Variants in VPS13B observed in about 807,000 individuals in gnomAD.
The protein encoded by VPS13B is intermembrane lipid transfer protein VPS13B.
A neutral mutation model predicts 426.4 loss-of-function variants in VPS13B; 285 were observed. The ratio of observed to expected loss-of-function variants is 0.67; its 90% confidence interval spans 0.61 to 0.74. VPS13B has a LOEUF of 0.74. Among genes scored for constraint, VPS13B ranks in the 30% least tolerant of loss-of-function variants. The pLI, the probability that VPS13B is intolerant of heterozygous loss-of-function variation, is 0.00. For synonymous variants in VPS13B, 1,676 were observed against 1,676.4 expected, an observed-to-expected ratio of 1.00 and a Z score of 0.01; for missense variants, 4,537 against 4,782.6, an observed-to-expected ratio of 0.95 and a Z score of 1.51.
rs570152646 is a variant in VPS13B, at chr8:99,185,761, C to T, written c.2334-7115C>T. ...AATGGATTGTTTAATTTCTTTGCAT[C>T]GAGTAGTAAGAACCACACTTCCATC... On this transcript the variant is annotated intron_variant, in intron 16 of 61. Transcript: ENST00000357162. 8.4e-4 allele frequency among the ~76,000 whole-genome samples: 128 copies of T among 152,120 alleles called. No homozygotes were observed. In the Middle Eastern group the frequency reaches 0.01, roughly 12 times the overall value.
rs183673211 is a variant in VPS13B, at chr8:99,685,050, C to A, written c.6047-14475C>A. Reference sequence around the variant, plus strand: ...ACTCCTGACTTTGTGATCCACCCGCCTTGGCCTACCAAAGGGCTGGGATTA... The same window carrying A: ...ACTCCTGACTTTGTGATCCACCCGCATTGGCCTACCAAAGGGCTGGGATTA... On this transcript the variant is annotated intron_variant, in intron 35 of 61. Coordinates refer to ENST00000357162, the MANE Select transcript of VPS13B (RefSeq NM_152564.5). Among the ~76,000 whole-genome samples the A allele has an allele frequency of 3.4e-4, 52 of 152,334 alleles. No individual in the cohort carries two copies. In the East Asian group the frequency reaches 9.6e-3, roughly 28 times the overall value.
chr8:99,056,668 A>C (rs961410565), intron 3 of VPS13B, among the ~76,000 whole-genome samples: 1 of 152,112 alleles, frequency 6.6e-6, no homozygotes, highest in African/African-American at 2.4e-5. Context: ...TTTTCATAGA[A>C]GTTTCCTTCT....
At chr8:99,348,486 ATT>A (rs1811669094) in intron 19 of VPS13B, among the ~76,000 whole-genome samples, 1 of 152,190 alleles carries the variant, frequency 6.6e-6, no homozygotes, top group African/African-American at 2.4e-5. Context: ...TGCAAAAGTT[ATT>A]TGTTTTACCT....
intron 34 of VPS13B, among the ~76,000 whole-genome samples, chr8:99,652,961 A>G (rs193098180): frequency 6.6e-6 from 1 of 152,306 alleles, no homozygotes; most frequent in East Asian, 1.9e-4. Flanking sequence ...TTAAATAAGA[A>G]ATGACCCAAC....
intron 21 of VPS13B, among the ~76,000 whole-genome samples, chr8:99,421,713 C>T (rs1268628934): frequency 1.3e-5 from 2 of 151,942 alleles, no homozygotes; most frequent in Non-Finnish European, 2.9e-5. Context: ...TTTGAGACTC[C>T]ATCACCCAGG....
At chr8:99,031,284 C>T (rs562525342) in intron 2 of VPS13B, among the ~76,000 whole-genome samples, 20 of 152,068 alleles carry the variant, frequency 1.3e-4, no homozygotes, top group Non-Finnish European at 2.5e-4. Flanking sequence ...ATTTCTCATT[C>T]AGATCATGAA....
chr8:99,111,068 T>C, intron 5 of VPS13B, 30 bp from the exon 6 acceptor site: 1 of 1,584,200 alleles, frequency 6.3e-7, no homozygotes, highest in Non-Finnish European at 8.6e-7. Flanking sequence ...AATTTTCCTT[T>C]TTACTTAAAA....
intron 3 of VPS13B, among the ~76,000 whole-genome samples, chr8:99,076,511 A>G (rs974206766): frequency 6.6e-6 from 1 of 151,930 alleles, no homozygotes; most frequent in South Asian, 2.1e-4. Context: ...ATCTAATAAT[A>G]TCTGCTTTGT....
At chr8:99,021,280 A>G (rs964695860) in intron 2 of VPS13B, among the ~76,000 whole-genome samples, 1 of 152,212 alleles carries the variant, frequency 6.6e-6, no homozygotes, top group Admixed American at 6.5e-5. Flanking sequence ...GTTATATGTA[A>G]GGAATAAAGT....
Position 99,720,729 on chromosome 8 carries a change from T to C in VPS13B, c.6866-134T>C, listed in dbSNP as rs1833098787. Reference sequence around the variant, plus strand: ...AGGGGAAGTTCTTCATTTCTTTCTGTTCCAGAATATATATAAAAATGACCA... The same window carrying C: ...AGGGGAAGTTCTTCATTTCTTTCTGCTCCAGAATATATATAAAAATGACCA... On this transcript the variant is annotated intron_variant, in intron 38 of 61. Transcript: ENST00000357162. The C allele has an allele frequency of 4.5e-6, 5 of 1,112,458 alleles. No individual in the cohort carries two copies. The Admixed American group carries it at 8.9e-5, about 20-fold the overall frequency. The allele number at this position is 1,112,458 out of a possible 1,614,324, so 68.9% of individuals were successfully genotyped here. A position where few individuals can be genotyped will look rare whatever the true frequency, so the allele number is the denominator to read the frequency against.
intron 15 of VPS13B, among the ~76,000 whole-genome samples, chr8:99,159,613 T>G (rs980464110): frequency 6.6e-6 from 1 of 152,204 alleles, no homozygotes; most frequent in Non-Finnish European, 1.5e-5. Context: ...AAAAGGTTAT[T>G]ACTTGCTGAA....
intron 3 of VPS13B, among the ~76,000 whole-genome samples, chr8:99,085,260 A>G (rs1387953133): frequency 6.6e-6 from 1 of 152,144 alleles, no homozygotes; most frequent in Non-Finnish European, 1.5e-5. Flanking sequence ...GTTTTATCAG[A>G]GACTAGGATT....
chr8:99,403,668 G>A (rs1815173076), intron 21 of VPS13B, among the ~76,000 whole-genome samples: 1 of 152,184 alleles, frequency 6.6e-6, no homozygotes, highest in African/African-American at 2.4e-5. Flanking sequence ...TGGCCCAGTG[G>A]CAGCCCAGGT....
At chr8:99,490,043 T>C (rs759159668) in intron 25 of VPS13B, among the ~76,000 whole-genome samples, 31 of 152,294 alleles carry the variant, frequency 2.0e-4, no homozygotes, top group Middle Eastern at 6.8e-3. Context: ...TGTGGGTTTG[T>C]CATAAATAGC....
intron 23 of VPS13B, among the ~76,000 whole-genome samples, chr8:99,459,795 A>T (rs1159077272): frequency 2.6e-5 from 4 of 152,100 alleles, no homozygotes; most frequent in Non-Finnish European, 4.4e-5. Context: ...CTGTTGTTAG[A>T]TGTATATGTA....
intron 29 of VPS13B, among the ~76,000 whole-genome samples, chr8:99,515,361 A>AGCTGCT (rs576737553): frequency 1.4e-4 from 21 of 150,160 alleles, no homozygotes; most frequent in Admixed American, 2.6e-4. Flanking sequence ...TTATTTTTAA[A>AGCTGCT]GCTGCTGCTG....
At chr8:99,291,086 A>C (rs929247316) in intron 19 of VPS13B, among the ~76,000 whole-genome samples, 29 of 152,090 alleles carry the variant, frequency 1.9e-4, no homozygotes, top group African/African-American at 5.8e-4. Flanking sequence ...AAAGTTAGGA[A>C]TATGTTGCAG....
intron 2 of VPS13B, among the ~76,000 whole-genome samples, chr8:99,029,288 T>C (rs1842372942): frequency 7.2e-6 from 1 of 138,750 alleles, no homozygotes; most frequent in African/African-American, 2.8e-5. Flanking sequence ...CTCCTCACTT[T>C]CCAGACTGGG....
At position 99,115,724 on chromosome 8, in the gene VPS13B, A is replaced by T; in HGVS notation, c.787A>T (p.Lys263Ter). 1.2e-6 allele frequency: 2 copies of T among 1,613,000 alleles called. No homozygotes were observed. Among genetic ancestry groups the T allele is most frequent in the Non-Finnish European group, 1.7e-6 (2 of 1,179,500 alleles). Residue 263 changes from lysine to a stop codon, truncating the protein, a stop_gained, in exon 7 of 62, where the codon AAA becomes TAA. Transcript: ENST00000357162. LOFTEE classifies it high-confidence loss of function. ...IKIHTLVESL[K>*]LSITDQQLPM... ...GATTCATACTTTAGTGGAAAGTTTGAAACTTTCTATCACAGATCAACAACT... is the reference window on the plus strand; with the variant it reads ...GATTCATACTTTAGTGGAAAGTTTGTAACTTTCTATCACAGATCAACAACT...
Sources: gnomAD v4.1 joint callset for allele counts (sites outside exome capture counted in the v4.1 genomes callset) on GRCh38, gnomAD v4.1.1 for gene constraint, MANE v1.5 for transcripts, NCBI Gene and HGNC (gene_info 2026-07-23, HGNC 2026-07-21) for gene names.